TRIM13: variants seen among roughly 807,000 people sequenced by gnomAD.
TRIM13 encodes tripartite motif containing 13, also known as E3 ubiquitin-protein ligase TRIM13.
TRIM13 carries 15 observed loss-of-function variants against 27.1 expected under a neutral mutation model. That is an observed-to-expected ratio of 0.55 (90% CI 0.37 to 0.85). The LOEUF is 0.85. Ranked by LOEUF, TRIM13 falls within the 40% of genes least tolerant of loss-of-function variation. TRIM13 has a pLI of 0.00. For synonymous variants in TRIM13, 193 were observed against 171.5 expected (o/e 1.13, Z -0.98); for missense variants, 402 against 472.2 (o/e 0.85, Z 1.38).
chr13:50,011,912 A>G (rs367920152), intron 1 of TRIM13, 23 bp from the exon 2 acceptor site: 63 of 1,565,142 alleles, frequency 4.0e-5, no homozygotes, highest in Non-Finnish European at 5.4e-5. Flanking sequence ...TTGGAGTAAA[A>G]TAATTTTTTT....
chr13:50,010,203 C>A (rs1211182786), intron 1 of TRIM13, among the ~76,000 whole-genome samples: 6 of 152,008 alleles, frequency 3.9e-5, no homozygotes, highest in Non-Finnish European at 8.8e-5. Flanking sequence ...CGCATGCCAC[C>A]ATGGCTGGCT....
chr13:50,008,194 C>T (rs1226223433), intron 1 of TRIM13, among the ~76,000 whole-genome samples: 1 of 152,118 alleles, frequency 6.6e-6, no homozygotes, highest in Non-Finnish European at 1.5e-5. Flanking sequence ...CATGAGCCAC[C>T]CGTGCCCGGC....
intron 1 of TRIM13, among the ~76,000 whole-genome samples, chr13:50,007,772 G>C: frequency 9.6e-6 from 1 of 104,266 alleles, no homozygotes; most frequent in Admixed American, 1.1e-4. Context: ...ACAAGAGTGA[G>C]ACTTAGTCTC....
chr13:49,999,541 T>C (rs1873763054), intron 1 of TRIM13, among the ~76,000 whole-genome samples: 1 of 152,146 alleles, frequency 6.6e-6, no homozygotes, highest in Non-Finnish European at 1.5e-5. Context: ...ACTATAAAAA[T>C]CATTTTTAAA....
chr13:50,008,582 A>G (rs1281216665), intron 1 of TRIM13, among the ~76,000 whole-genome samples: 2 of 151,902 alleles, frequency 1.3e-5, no homozygotes, highest in African/African-American at 4.8e-5. Flanking sequence ...AGGCTGCAGT[A>G]AGCTATAATT....
At chr13:49,999,254 ACGGG>A (rs1176132797) in intron 1 of TRIM13, among the ~76,000 whole-genome samples, 2 of 152,098 alleles carry the variant, frequency 1.3e-5, no homozygotes, top group Admixed American at 6.5e-5. Flanking sequence ...CAGTCTTTAG[ACGGG>A]CTATGTAAAT....
At chr13:50,006,415 A>G (rs898396809) in intron 1 of TRIM13, among the ~76,000 whole-genome samples, 1 of 152,108 alleles carries the variant, frequency 6.6e-6, no homozygotes, top group Non-Finnish European at 1.5e-5. Context: ...CTTATTTAAT[A>G]TGCTTGGATA....
In TRIM13 at chr13:50,008,106, T is replaced by C. The variant is rs923586254; in HGVS notation, c.-6-3829T>C. Among the ~76,000 whole-genome samples, 17 of 152,070 alleles carry C rather than the reference T, an allele frequency of 1.1e-4. 1 individual carries two copies. Among genetic ancestry groups the C allele is most frequent in the African/African-American group, 3.6e-4 (15 of 41,502 alleles). The stretch of plus-strand genomic sequence containing the variant: ...ATTTTTAGTAGAGACGGGGTTTTAC[T>C]GTGTTAGCCAGGATGGTCTTGATCT... On this transcript the variant is annotated intron_variant, in intron 1 of 1. Transcript: ENST00000378182.
chr13:50,007,396 CAGG>C (rs1403408900), intron 1 of TRIM13, among the ~76,000 whole-genome samples: 7 of 147,362 alleles, frequency 4.8e-5, no homozygotes, highest in Non-Finnish European at 8.9e-5. Context: ...GAGGCTGAGG[CAGG>C]AGAATTGCTT....
In TRIM13 at chr13:50,012,887, A is replaced by G; in HGVS notation, c.947A>G (p.Lys316Arg). ...FISKIPWSFY[K>R]LFLLILLLGL... ...AGCAAGATTCCCTGGAGCTTTTATAAGTTATTTTTGCTAATCCTTCTGCTT... is the reference window on the plus strand; with the variant it reads ...AGCAAGATTCCCTGGAGCTTTTATAGGTTATTTTTGCTAATCCTTCTGCTT... Residue 316 changes from lysine (K) to arginine (R), a missense_variant, in exon 2 of 2, where the codon AAG becomes AGG. Transcript: ENST00000378182. 6.2e-7 allele frequency: 1 copy of G among 1,614,002 alleles called. No individual in the cohort carries two copies. The highest frequency in any genetic ancestry group is 8.5e-7 in the Non-Finnish European group (1 of 1,179,988).
At position 50,015,990 on chromosome 13, in the gene TRIM13, TG is replaced by T. The variant is rs1447087900; in HGVS notation, c.*2827del. On this transcript the variant is annotated 3_prime_UTR_variant, in exon 2 of 2. Transcript: ENST00000378182. ...CCTCCTCAGATGACCTTACTTCCACTGCCTCCACAAAGACCTTCTTACCATG... is the reference window on the plus strand; with the variant it reads ...CCTCCTCAGATGACCTTACTTCCACTCCTCCACAAAGACCTTCTTACCATG... 1 of 1,614,108 alleles carries T rather than the reference TG, an allele frequency of 6.2e-7. No homozygotes were observed. The highest frequency in any genetic ancestry group is 2.2e-5 in the East Asian group (1 of 44,878).
At chr13:50,010,147 C>T (rs566221649) in intron 1 of TRIM13, among the ~76,000 whole-genome samples, 1 of 149,180 alleles carries the variant, frequency 6.7e-6, no homozygotes, top group African/African-American at 2.5e-5. Context: ...CTCCTGGGCT[C>T]AAGGGATTCT....
chr13:50,001,503 C>A (rs1874037851), intron 1 of TRIM13, among the ~76,000 whole-genome samples: 1 of 152,120 alleles, frequency 6.6e-6, no homozygotes, highest in South Asian at 2.1e-4. Flanking sequence ...ACATTCTGTA[C>A]TAGCTCTATT....
At chr13:49,998,665 G>T (rs1280598317) in intron 1 of TRIM13, among the ~76,000 whole-genome samples, 2 of 151,996 alleles carry the variant, frequency 1.3e-5, no homozygotes, top group African/African-American at 4.8e-5. Flanking sequence ...TTAATAAAAA[G>T]CAGCTCCTGG....
In TRIM13 at chr13:50,009,809, C is replaced by T. The variant is rs370273426; in HGVS notation, c.-6-2126C>T. Among the ~76,000 whole-genome samples, 9 of 150,630 alleles carry T rather than the reference C, an allele frequency of 6.0e-5. No homozygotes were observed. The East Asian group carries it at 1.6e-3, about 26-fold the overall frequency. On this transcript the variant is annotated intron_variant, in intron 1 of 1. Coordinates refer to ENST00000378182, the MANE Select transcript of TRIM13 (RefSeq NM_213590.3). ...TAAAAATTAGCAAGGCATGGTGGTG[C>T]ACACCTGCAGTCTGTAGTTACTTGG... is the stretch of plus-strand genomic sequence containing the variant.
At chr13:50,005,431 T>C (rs1239038047) in intron 1 of TRIM13, among the ~76,000 whole-genome samples, 2 of 151,704 alleles carry the variant, frequency 1.3e-5, no homozygotes, top group East Asian at 2.0e-4. Flanking sequence ...CCCAGAACTT[T>C]GGGAGGCCGA....
rs1326639425 is a variant in TRIM13, at chr13:50,018,225, A to AT, written c.*5062dup. On this transcript the variant is annotated 3_prime_UTR_variant, in exon 2 of 2. Transcript: ENST00000378182. ...ATATTTTATTTTTCAGTTTGTCCTC[A>AT]TAGGGAATCAAGTATTTTAGCTAGG... 1 of 166,932 alleles carries AT rather than the reference A, an allele frequency of 6.0e-6. No individual in the cohort carries two copies. Among genetic ancestry groups the AT allele is most frequent in the African/African-American group, 2.4e-5 (1 of 41,402 alleles). 10.3% of individuals were successfully genotyped at this position (166,932 alleles called of 1,614,324 possible).
chr13:50,012,705 T>G lies in TRIM13; in HGVS notation c.765T>G (p.Phe255Leu). 1 of 1,614,130 alleles carries G rather than the reference T, an allele frequency of 6.2e-7. No homozygotes were observed. Among genetic ancestry groups the G allele is most frequent in the Non-Finnish European group, 8.5e-7 (1 of 1,180,008 alleles). The part of the protein sequence containing the change: ...PIVFLQQMQE[F>L]REKIKVIKET... Reference sequence around the variant, plus strand: ...TATTTCTGCAACAGATGCAGGAGTTTAGAGAGAAAATCAAAGTAATCAAGG... The same window carrying G: ...TATTTCTGCAACAGATGCAGGAGTTGAGAGAGAAAATCAAAGTAATCAAGG... Residue 255 changes from phenylalanine to leucine, a missense_variant, in exon 2 of 2, where the codon TTT becomes TTG. Around this residue, in one of 2 missense-constraint regions of TRIM13, gnomAD observed 200 missense variants for 194.7 expected, o/e 1.03. Transcript: ENST00000378182.
Position 50,012,717 on chromosome 13 carries a change from C to T in TRIM13, c.777C>T (p.Ile259=), listed in dbSNP as rs749731146. ...AGATGCAGGAGTTTAGAGAGAAAAT[C>T]AAAGTAATCAAGGAAACTCCTTTAC... is the stretch of plus-strand genomic sequence containing the variant. ...LQQMQEFREK[I]KVIKETPLPP... is the part of the protein sequence containing the mutation. The change falls in exon 2 of 2, where the codon ATC becomes ATT. Residue 259 remains isoleucine (I), a synonymous_variant. Transcript: ENST00000378182. 3 of 1,614,020 alleles carry T rather than the reference C, an allele frequency of 1.9e-6. No homozygotes were observed. The South Asian group carries it at 3.3e-5, about 18-fold the overall frequency.
Sources: gnomAD v4.1 joint callset for allele counts (sites outside exome capture counted in the v4.1 genomes callset) on GRCh38, gnomAD v4.1.1 for gene constraint, gnomAD v4.1.1 regional missense constraint, MANE v1.5 for transcripts, NCBI Gene and HGNC (gene_info 2026-07-23, HGNC 2026-07-21) for gene names.